The following PC variants were observed in gnomAD, a reference collection of about 807,000 sequenced individuals.
The protein encoded by PC is pyruvate carboxylase, mitochondrial.
A neutral mutation model predicts 107.8 loss-of-function variants in PC; 46 were observed. That is an observed-to-expected ratio of 0.43 (90% confidence interval 0.34 to 0.55). The LOEUF (loss-of-function observed/expected upper bound fraction) is 0.55. Ranked by LOEUF, PC falls within the 20% of genes least tolerant of loss-of-function variation. The probability of loss-of-function intolerance (pLI) is 0.04; values close to 1 mark genes in which losing one functional copy is unlikely to be tolerated. For missense variants in PC, 1,241 were observed against 1,643.1 expected (o/e 0.76, Z 4.23); for synonymous variants, 662 against 684.7 (o/e 0.97, Z 0.52).
intron 3 of PC, among the ~76,000 whole-genome samples, chr11:66,900,743 T>C (rs544234558): frequency 6.6e-6 from 1 of 152,332 alleles, no homozygotes; most frequent in Non-Finnish European, 1.5e-5. Context: ...TTCCCAAATA[T>C]TTTATTTTGA....
Position 66,944,442 on chromosome 11 carries a change from G to A in PC, c.-1+7988C>T, listed in dbSNP as rs1247807974. On this transcript the variant is annotated intron_variant, in intron 3 of 22. Transcript: ENST00000393960. ...AAGAGTACAAAAATTAGTTGGGCAT[G>A]GTGGCACACACCTATAATCCCAGCT... 1.8e-5 allele frequency among the ~76,000 whole-genome samples: 2 copies of A among 113,810 alleles called. 1 individual carries two copies. Among genetic ancestry groups the A allele is most frequent in the Non-Finnish European group, 3.9e-5 (2 of 51,760 alleles). 74.7% of individuals were successfully genotyped at this position (113,810 alleles called of 152,430 possible).
At position 66,853,903 on chromosome 11, in the gene PC, G is replaced by A. The variant is rs141257240; in HGVS notation, c.1369-520C>T. Among the ~76,000 whole-genome samples the A allele has an allele frequency of 3.0e-3, 455 of 152,348 alleles. 1 individual carries two copies. Among genetic ancestry groups the A allele is most frequent in the Middle Eastern group, 6.8e-3 (2 of 294 alleles). Reference sequence around the variant, plus strand: ...CACCACATGCTCCCCAGGAGGCCCCGTCCCGGGGCTGTGGCGCCAGTGACA... The same window carrying A: ...CACCACATGCTCCCCAGGAGGCCCCATCCCGGGGCTGTGGCGCCAGTGACA... On this transcript the variant is annotated intron_variant, in intron 12 of 22. Transcript: ENST00000393960.
intron 12 of PC, chr11:66,859,833 G>T (rs766191800): frequency 6.4e-7 from 1 of 1,574,360 alleles, no homozygotes; most frequent in Non-Finnish European, 8.6e-7. Flanking sequence ...CGTGCTGGGC[G>T]GGACCCTGAC....
At chr11:66,927,698 G>T (rs976688813) in intron 3 of PC, among the ~76,000 whole-genome samples, 2 of 151,316 alleles carry the variant, frequency 1.3e-5, no homozygotes, top group African/African-American at 4.9e-5. Context: ...ACTCCAGCCT[G>T]GGCAACAAGA....
chr11:66,949,668 CA>C (rs898257929), intron 3 of PC, among the ~76,000 whole-genome samples: 1 of 150,752 alleles, frequency 6.6e-6, no homozygotes, highest in Non-Finnish European at 1.5e-5. Context: ...GACTCCATCG[CA>C]AAAAAAATAA....
At chr11:66,951,424 G>A (rs1949433832) in intron 3 of PC, among the ~76,000 whole-genome samples, 1 of 152,084 alleles carries the variant, frequency 6.6e-6, no homozygotes, top group Non-Finnish European at 1.5e-5. Flanking sequence ...AATCTCCCAG[G>A]CACCTGCCAC....
chr11:66,951,118 G>C (rs537419234), intron 3 of PC, among the ~76,000 whole-genome samples: 2 of 152,250 alleles, frequency 1.3e-5, no homozygotes, highest in East Asian at 3.9e-4. Flanking sequence ...CCTGCGTCAT[G>C]AAGGGTCGTC....
At chr11:66,869,827 G>A (rs143788768) in intron 9 of PC, among the ~76,000 whole-genome samples, 375 of 152,308 alleles carry the variant, frequency 2.5e-3, no homozygotes, top group African/African-American at 8.5e-3. Flanking sequence ...AGGACCCCCC[G>A]ACCAGAGGTC....
At chr11:66,937,463 C>G (rs74847067) in intron 3 of PC, among the ~76,000 whole-genome samples, 5,788 of 140,646 alleles carry the variant, frequency 0.041, 345 homozygotes, top group African/African-American at 0.14. Context: ...GATATTCATC[C>G]TCATTGGAGT....
At position 66,852,072 on chromosome 11, in the gene PC, T is replaced by C; in HGVS notation, c.1826-126A>G. The C allele has an allele frequency of 4.1e-6, 4 of 968,712 alleles. No homozygotes were observed. The highest frequency in any genetic ancestry group is 4.1e-5 in the Admixed American group (2 of 48,440). 60.0% of individuals were successfully genotyped at this position (968,712 alleles called of 1,614,324 possible). A position where few individuals can be genotyped will look rare whatever the true frequency, so the allele number is the denominator to read the frequency against. On this transcript the variant is annotated intron_variant, in intron 15 of 22. Transcript: ENST00000393960. The surrounding 1 kb of genome is among the most constrained non-coding windows in gnomAD (Gnocchi z 4.7). ...AGGTCCTGCTCATCTTCGCCATACC[T>C]GTGTTCCCTGCTCCAACCCCCACAG...
chr11:66,857,605 C>A lies in PC; in HGVS notation c.1369-4222G>T. 4.4e-6 allele frequency: 4 copies of A among 902,052 alleles called. No homozygotes were observed. In the South Asian group the frequency reaches 5.4e-5, roughly 12 times the overall value. The allele number at this position is 902,052 out of a possible 1,614,324, so 55.9% of individuals were successfully genotyped here. ...CCCAACCTTCCCTCATCTCTGGCGG[C>A]CCTCTTGGGCCTCTGACCCAGCCCC... On this transcript the variant is annotated intron_variant, in intron 12 of 22. Transcript: ENST00000393960. This position sits in a 1 kb window ranked among gnomAD's most constrained non-coding sequence, Gnocchi z 7.1.
At chr11:66,937,671 T>C (rs1477503381) in intron 3 of PC, among the ~76,000 whole-genome samples, 2 of 152,186 alleles carry the variant, frequency 1.3e-5, no homozygotes. Flanking sequence ...GGTACCATCT[T>C]CAAGCTTGCT....
Position 66,871,749 on chromosome 11 carries a change from C to T in PC, c.259G>A (p.Gly87Ser), listed in dbSNP as rs770055702. ...RQKADEAYLI[G>S]RGLAPVQAYL... ...GCCTGCACGGGGGCCAGGCCGCGGC[C>T]GATGAGATAGGCTTCATCTGCTTTC... is the stretch of plus-strand genomic sequence containing the variant. The change falls in exon 5 of 23, where the codon GGC becomes AGC. Residue 87 changes from glycine (G) to serine (S), a missense_variant. Coordinates refer to ENST00000393960, the MANE Select transcript of PC (RefSeq NM_001040716.2). This position sits in a 1 kb window ranked among gnomAD's most constrained non-coding sequence, Gnocchi z 7.4. The T allele has an allele frequency of 2.4e-5, 38 of 1,590,748 alleles. No individual in the cohort carries two copies. The Admixed American group carries it at 2.8e-4, about 12-fold the overall frequency.
At chr11:66,877,118 G>C (rs1346380612) in intron 3 of PC, among the ~76,000 whole-genome samples, 2 of 152,242 alleles carry the variant, frequency 1.3e-5, no homozygotes, top group African/African-American at 2.4e-5. Context: ...AGGCGCGGTG[G>C]CTCACGCCTG....
At chr11:66,914,689 C>T (rs897541227) in intron 3 of PC, among the ~76,000 whole-genome samples, 2 of 152,136 alleles carry the variant, frequency 1.3e-5, no homozygotes, top group Non-Finnish European at 2.9e-5. Flanking sequence ...AGGCCTTGTC[C>T]CCTCGAGGCA....
intron 3 of PC, among the ~76,000 whole-genome samples, chr11:66,912,359 G>A (rs1263517813): frequency 6.6e-6 from 1 of 152,172 alleles, no homozygotes; most frequent in Non-Finnish European, 1.5e-5. Flanking sequence ...TAAGGGCCTG[G>A]GGACCCTAGT....
chr11:66,949,655 C>T (rs1386784083), intron 3 of PC, among the ~76,000 whole-genome samples: 2 of 151,926 alleles, frequency 1.3e-5, no homozygotes, highest in Non-Finnish European at 2.9e-5. Context: ...CGCGACAGAG[C>T]GAGACTCCAT....
intron 3 of PC, among the ~76,000 whole-genome samples, chr11:66,932,871 TC>T (rs1948895644): frequency 2.0e-5 from 3 of 152,060 alleles, no homozygotes; most frequent in Admixed American, 2.0e-4. Context: ...CAAAACCCAT[TC>T]CAAAGTCCCA....
rs188705079 is a variant in PC at position 66,900,408 on chromosome 11, C to T, written c.1-28249G>A. ...TGATCTCCTGACCTCATGATCCGCC[C>T]GCCTTGGCCTCCCAAAGTGCTGGGA... On this transcript the variant is annotated intron_variant, in intron 3 of 22. Transcript: ENST00000393960. Among the ~76,000 whole-genome samples, 124 of 152,168 alleles carry T rather than the reference C, an allele frequency of 8.1e-4. 1 individual carries two copies. The highest frequency in any genetic ancestry group is 3.4e-3 in the Middle Eastern group (1 of 294).
Sources: gnomAD v4.1 joint callset for allele counts (sites outside exome capture counted in the v4.1 genomes callset) on GRCh38, gnomAD v4.1.1 for gene constraint, Gnocchi (gnomAD v3.1) non-coding constraint, MANE v1.5 for transcripts, NCBI Gene and HGNC (gene_info 2026-07-23, HGNC 2026-07-21) for gene names.